Variants in NBEA observed in about 807,000 individuals in gnomAD.
NBEA encodes lysosomal-trafficking regulator 2.
In NBEA, 44 loss-of-function variants were observed where a neutral mutation model predicts 343.4. The observed-to-expected ratio is 0.13, with a 90% CI of 0.10 to 0.16. The LOEUF is 0.16. Ranked by LOEUF, NBEA falls within the 10% of genes least tolerant of loss-of-function variation. The pLI is 1.00. For synonymous variants in NBEA, 1,175 were observed against 1,238.7 expected (o/e 0.95, Z 1.08); for missense variants, 2,555 against 3,631.3 (o/e 0.70, Z 7.62).
intron 48 of NBEA, among the ~76,000 whole-genome samples, chr13:35,617,493 G>A (rs2031446): frequency 0.46 from 69,745 of 151,954 alleles, 16,430 homozygotes; most frequent in African/African-American, 0.55. Flanking sequence ...TACCTTGTGT[G>A]TCAACAAAAA....
chr13:34,974,968 C>T lies in NBEA; in HGVS notation c.294+31854C>T, dbSNP rs576816452. ...AACACTAGTTTTCACAATTTTTACC[C>T]GGTAGTAGCTCATGCATGAGGCTAA... On this transcript the variant is annotated intron_variant, in intron 1 of 58. Coordinates refer to ENST00000379939, the MANE Select transcript of NBEA (RefSeq NM_001385012.1). Among the ~76,000 whole-genome samples the T allele has an allele frequency of 8.5e-5, 13 of 152,212 alleles. 1 individual carries two copies. In the East Asian group the frequency reaches 1.5e-3, roughly 18 times the overall value.
chr13:35,309,275 C>CATAA (rs1233069827), intron 35 of NBEA, among the ~76,000 whole-genome samples: 2 of 152,006 alleles, frequency 1.3e-5, no homozygotes, highest in Non-Finnish European at 2.9e-5. Flanking sequence ...GCCCCTTATA[C>CATAA]CTGCAGTCTC....
intron 1 of NBEA, among the ~76,000 whole-genome samples, chr13:35,004,139 A>G (rs975576123): frequency 6.6e-6 from 1 of 152,208 alleles, no homozygotes; most frequent in African/African-American, 2.4e-5. Flanking sequence ...TTAGTATTCC[A>G]TGGTATATGT....
At chr13:35,626,418 C>G (rs1303570747) in intron 48 of NBEA, among the ~76,000 whole-genome samples, 1 of 152,164 alleles carries the variant, frequency 6.6e-6, no homozygotes, top group South Asian at 2.1e-4. Flanking sequence ...TGGTTTTACT[C>G]TAATAGAGAT....
intron 52 of NBEA, among the ~76,000 whole-genome samples, chr13:35,650,588 G>C (rs2153079170): frequency 6.6e-6 from 1 of 152,260 alleles, no homozygotes; most frequent in East Asian, 1.9e-4. Context: ...TGTAATCCCA[G>C]CTACTCGGGA....
chr13:35,267,914 T>G (rs897946275), intron 34 of NBEA, among the ~76,000 whole-genome samples: 2 of 151,942 alleles, frequency 1.3e-5, no homozygotes, highest in Non-Finnish European at 2.9e-5. Flanking sequence ...TGGTGGGATT[T>G]TAAATGGTAC....
chr13:35,466,200 A>G (rs1398180119), intron 40 of NBEA, among the ~76,000 whole-genome samples: 1 of 152,098 alleles, frequency 6.6e-6, no homozygotes, highest in African/African-American at 2.4e-5. Context: ...GGAAACTATG[A>G]TCTGTGGGGA....
chr13:35,558,329 C>G (rs1383077649), intron 44 of NBEA, among the ~76,000 whole-genome samples: 1 of 151,884 alleles, frequency 6.6e-6, no homozygotes, highest in African/African-American at 2.4e-5. Flanking sequence ...ATATGTGAAG[C>G]CATTTGAGGT....
intron 49 of NBEA, among the ~76,000 whole-genome samples, chr13:35,630,443 T>A (rs1454614809): frequency 6.6e-6 from 1 of 152,180 alleles, no homozygotes; most frequent in Non-Finnish European, 1.5e-5. Flanking sequence ...TTCAAGCATA[T>A]GTTGGCATAT....
At chr13:35,187,780 C>G (rs2071828450) in intron 30 of NBEA, among the ~76,000 whole-genome samples, 1 of 152,076 alleles carries the variant, frequency 6.6e-6, no homozygotes, top group African/African-American at 2.4e-5. Context: ...CACAAGGGCC[C>G]TAGATAAGAT....
At chr13:35,347,246 A>G (rs2039931717) in intron 36 of NBEA, among the ~76,000 whole-genome samples, 1 of 152,152 alleles carries the variant, frequency 6.6e-6, no homozygotes, top group African/African-American at 2.4e-5. Flanking sequence ...AGTATTTAGT[A>G]AGTACAGAAA....
In NBEA at chr13:35,142,373, A is replaced by T; in HGVS notation, c.2441A>T (p.Tyr814Phe). The T allele has an allele frequency of 1.2e-6, 2 of 1,608,452 alleles. No individual in the cohort carries two copies. The highest frequency in any genetic ancestry group is 1.7e-6 in the Non-Finnish European group (2 of 1,175,744). ...ACTGTCACCACATACAACACACTTT[A>T]TGAGGTAAAAATAAAAAATGTGTGA... is the stretch of plus-strand genomic sequence containing the variant. ...TVTVTTYNTL[Y>F]EILTEQVCTQ... The change falls in exon 18 of 59, where the codon TAT becomes TTT. Residue 814 changes from tyrosine (Y) to phenylalanine (F), a missense_variant. Coordinates refer to ENST00000379939, the MANE Select transcript of NBEA (RefSeq NM_001385012.1).
At chr13:35,467,972 T>C (rs1048292290) in intron 40 of NBEA, among the ~76,000 whole-genome samples, 3 of 152,172 alleles carry the variant, frequency 2.0e-5, no homozygotes, top group Non-Finnish European at 4.4e-5. Flanking sequence ...CTCCAACTCT[T>C]TTTTTTCCAT....
intron 6 of NBEA, among the ~76,000 whole-genome samples, chr13:35,052,661 CT>C (rs576608669): frequency 1.7e-4 from 25 of 146,004 alleles, no homozygotes; most frequent in Admixed American, 1.4e-4. Context: ...AAAAGTTAGG[CT>C]TTTTTTTTTA....
At chr13:35,625,377 G>C (rs186757176) in intron 48 of NBEA, among the ~76,000 whole-genome samples, 7 of 152,264 alleles carry the variant, frequency 4.6e-5, no homozygotes, top group African/African-American at 1.7e-4. Context: ...AGCACTTTGG[G>C]AGGCCGAGGC....
chr13:35,551,061 T>C, intron 43 of NBEA, 29 bp downstream of exon 43: 4 of 1,264,026 alleles, frequency 3.2e-6, no homozygotes, highest in Non-Finnish European at 4.6e-6. Context: ...ATATTATCTA[T>C]GGCTTGTTAA....
chr13:35,416,860 C>A (rs2043944215), intron 38 of NBEA, among the ~76,000 whole-genome samples: 1 of 152,150 alleles, frequency 6.6e-6, no homozygotes, highest in African/African-American at 2.4e-5. Flanking sequence ...GTGAATCTGT[C>A]TGGTCCTGGA....
chr13:35,139,039 AT>A (rs2067912303), intron 17 of NBEA, among the ~76,000 whole-genome samples: 1 of 143,070 alleles, frequency 7.0e-6, no homozygotes, highest in African/African-American at 2.6e-5. Flanking sequence ...TATACTCTGA[AT>A]TTGTTACAAG....
At chr13:35,142,900 G>A (rs944147939) in intron 18 of NBEA, among the ~76,000 whole-genome samples, 7 of 152,116 alleles carry the variant, frequency 4.6e-5, no homozygotes, top group African/African-American at 1.7e-4. Flanking sequence ...ACAGTTTTGG[G>A]TTCAGTATTT....
Sources: gnomAD v4.1 joint callset for allele counts (sites outside exome capture counted in the v4.1 genomes callset) on GRCh38, gnomAD v4.1.1 for gene constraint, MANE v1.5 for transcripts, NCBI Gene and HGNC (gene_info 2026-07-23, HGNC 2026-07-21) for gene names.